KANK1: variants seen among roughly 807,000 people sequenced by gnomAD.
KANK1 encodes the protein KN motif and ankyrin repeat domains 1, also known as KN motif and ankyrin repeat domain-containing protein 1.
In KANK1, 109 loss-of-function variants were observed where a neutral mutation model predicts 106.2. The observed-to-expected ratio is 1.03, with a 90% CI of 0.88 to 1.20. The LOEUF is 1.20. Among genes scored for constraint, KANK1 ranks in the 50% most tolerant of loss-of-function variants. KANK1 has a pLI of 0.00. For synonymous variants in KANK1, 873 were observed against 652.2 expected, an observed-to-expected ratio of 1.34 and a Z score of -5.16; for missense variants, 2,399 against 1,710.7, an observed-to-expected ratio of 1.40 and a Z score of -7.10.
chr9:540,299 T>C (rs143480933), intron 1 of KANK1, among the ~76,000 whole-genome samples: 49 of 152,376 alleles, frequency 3.2e-4, no homozygotes, highest in African/African-American at 1.1e-3. Flanking sequence ...TCCCTTGATT[T>C]TTATCCTCGA....
chr9:585,767 A>T (rs560857355), intron 1 of KANK1, among the ~76,000 whole-genome samples: 1 of 152,082 alleles, frequency 6.6e-6, no homozygotes, highest in Admixed American at 6.6e-5. Context: ...AGAAAAGTCT[A>T]TGGGGAACTG....
intron 1 of KANK1, among the ~76,000 whole-genome samples, chr9:657,748 C>T (rs1588639185): frequency 6.6e-6 from 1 of 152,128 alleles, no homozygotes; most frequent in East Asian, 1.9e-4. Flanking sequence ...TTTTATCAGG[C>T]AGCAAATTGT....
chr9:589,321 G>T (rs1055173467), intron 1 of KANK1, among the ~76,000 whole-genome samples: 1 of 152,130 alleles, frequency 6.6e-6, no homozygotes, highest in Non-Finnish European at 1.5e-5. Context: ...TGTGTACTCT[G>T]GGCCTTCTGA....
At chr9:579,096 C>T (rs1821345811) in intron 1 of KANK1, among the ~76,000 whole-genome samples, 1 of 152,150 alleles carries the variant, frequency 6.6e-6, no homozygotes, top group South Asian at 2.1e-4. Flanking sequence ...TTCAGTGAGG[C>T]ACAGTTTGGC....
At chr9:660,957 T>A (rs1243238974) in intron 1 of KANK1, among the ~76,000 whole-genome samples, 1 of 152,148 alleles carries the variant, frequency 6.6e-6, no homozygotes, top group Non-Finnish European at 1.5e-5. Context: ...CCATCAAAGT[T>A]AAACCTTTGA....
intron 11 of KANK1, chr9:744,863 CAGCCCCTG>C (rs1166982055): frequency 7.1e-7 from 1 of 1,412,166 alleles, no homozygotes; most frequent in Admixed American, 2.9e-5. Context: ...ATCCAGATAG[CAGCCCCTG>C]AGCCCATGGG....
chr9:524,761 C>T (rs1323407187), intron 1 of KANK1, among the ~76,000 whole-genome samples: 3 of 151,516 alleles, frequency 2.0e-5, no homozygotes, highest in African/African-American at 7.3e-5. Context: ...AGGTGATCTG[C>T]TGGTCTTGGT....
chr9:705,412 G>A (rs1021100726), intron 2 of KANK1, among the ~76,000 whole-genome samples: 1 of 152,088 alleles, frequency 6.6e-6, no homozygotes, highest in Non-Finnish European at 1.5e-5. Context: ...CTTGAACCAG[G>A]GAGGTGGAGG....
chr9:700,533 C>A (rs1309400749), intron 2 of KANK1, among the ~76,000 whole-genome samples: 1 of 152,216 alleles, frequency 6.6e-6, no homozygotes, highest in Non-Finnish European at 1.5e-5. Flanking sequence ...TTCCTGAGTT[C>A]ATCCTACTGG....
chr9:706,786 C>A, intron 2 of KANK1: 1 of 985,390 alleles, frequency 1.0e-6, no homozygotes, highest in East Asian at 1.1e-4. Flanking sequence ...ATCCTGAGAA[C>A]CCGCAGAGAA....
intron 9 of KANK1, 51 bp from the exon 10 acceptor site, chr9:742,154 C>A: frequency 6.6e-7 from 1 of 1,520,428 alleles, no homozygotes; most frequent in Non-Finnish European, 9.1e-7. Flanking sequence ...TAGAGGCCAC[C>A]ACTGCCAGCT....
chr9:639,624 A>G (rs1235294387), intron 1 of KANK1, among the ~76,000 whole-genome samples: 2 of 152,084 alleles, frequency 1.3e-5, no homozygotes, highest in African/African-American at 4.8e-5. Flanking sequence ...GCCTGATCTT[A>G]GATGATTTAC....
At chr9:559,563 A>G (rs2134339265) in intron 1 of KANK1, among the ~76,000 whole-genome samples, 1 of 152,262 alleles carries the variant, frequency 6.6e-6, no homozygotes, top group South Asian at 2.1e-4. Flanking sequence ...TGCTGTATAA[A>G]CCTTAAACCT....
intron 1 of KANK1, among the ~76,000 whole-genome samples, chr9:632,355 A>G (rs547899678): frequency 8.1e-4 from 123 of 152,304 alleles, no homozygotes; most frequent in Admixed American, 3.1e-3. Context: ...CTCTAAGAGA[A>G]GAGGTTAAAG....
chr9:703,020 C>G (rs1229603408), intron 2 of KANK1, among the ~76,000 whole-genome samples: 2 of 152,020 alleles, frequency 1.3e-5, no homozygotes, highest in South Asian at 2.1e-4. Flanking sequence ...CAGACGGAGT[C>G]TCTCTCTGTT....
chr9:547,298 T>C (rs886385145), intron 1 of KANK1: 2 of 152,168 alleles, frequency 1.3e-5, no homozygotes, highest in Non-Finnish European at 2.9e-5. Flanking sequence ...ATTTTGTCAA[T>C]GGGGAAGGAC....
At chr9:474,608 A>G (rs916059197) in intron 3 of KANK1, among the ~76,000 whole-genome samples, 4 of 152,064 alleles carry the variant, frequency 2.6e-5, no homozygotes, top group Non-Finnish European at 4.4e-5. Flanking sequence ...AAAAAAGTAT[A>G]TGTGTGTAAT....
At chr9:569,596 C>T (rs182351569) in intron 1 of KANK1, among the ~76,000 whole-genome samples, 1 of 152,242 alleles carries the variant, frequency 6.6e-6, no homozygotes, top group East Asian at 1.9e-4. Flanking sequence ...GAAATAAATA[C>T]CTTTTCTGTA....
intron 1 of KANK1, among the ~76,000 whole-genome samples, chr9:563,698 T>C (rs1328879858): frequency 6.6e-6 from 1 of 152,170 alleles, no homozygotes; most frequent in Non-Finnish European, 1.5e-5. Flanking sequence ...TTATGCGTGC[T>C]TTCCTAGGGA....
Sources: allele counts gnomAD v4.1 joint callset (sites outside exome capture counted in the v4.1 genomes callset), GRCh38; gene constraint gnomAD v4.1.1; transcripts MANE v1.5; gene names NCBI Gene and HGNC (gene_info 2026-07-23, HGNC 2026-07-21).